VSTM4: variants seen among roughly 807,000 people sequenced by gnomAD.
The protein encoded by VSTM4 is V-set and transmembrane domain containing 4.
Under a neutral mutation model 36.4 loss-of-function variants are expected in VSTM4, and 20 were observed. The observed-to-expected ratio is 0.55, with a 90% CI of 0.39 to 0.80. The LOEUF (loss-of-function observed/expected upper bound fraction) is 0.80, where lower values mean the gene tolerates loss of function less well. Ranked by LOEUF, VSTM4 falls within the 30% of genes least tolerant of loss-of-function variation. The probability of loss-of-function intolerance (pLI) is 0.00; values close to 1 mark genes in which losing one functional copy is unlikely to be tolerated. For synonymous variants in VSTM4, 182 were observed against 173.9 expected, an observed-to-expected ratio of 1.05 and a Z score of -0.37; for missense variants, 392 against 404.5, an observed-to-expected ratio of 0.97 and a Z score of 0.26.
At chr10:49,030,864 T>G (rs1843335454) in intron 7 of VSTM4, among the ~76,000 whole-genome samples, 1 of 152,206 alleles carries the variant, frequency 6.6e-6, no homozygotes, top group African/African-American at 2.4e-5. Flanking sequence ...TGCCTGTCAA[T>G]GTCACCAACA....
At chr10:49,056,821 G>A (rs1039674882) in intron 5 of VSTM4, among the ~76,000 whole-genome samples, 16 of 152,180 alleles carry the variant, frequency 1.1e-4, no homozygotes, top group African/African-American at 3.4e-4. Context: ...CATTTGTGTT[G>A]CTATAAAGGA....
At chr10:49,031,383 C>T (rs372852555) in intron 7 of VSTM4, among the ~76,000 whole-genome samples, 2 of 152,116 alleles carry the variant, frequency 1.3e-5, no homozygotes, top group South Asian at 2.1e-4. Flanking sequence ...TGCATAAAAA[C>T]ATGTAATGTG....
In VSTM4 at chr10:49,077,431, C is replaced by A. The variant is rs1263983480; in HGVS notation, c.527-105G>T. ...TGGAATATTTGAAATCCCAGTGCTA[C>A]AGTCAACAAGGCAGTGTGGTATTGG... On this transcript the variant is annotated intron_variant, in intron 3 of 7. Coordinates refer to ENST00000332853, the MANE Select transcript of VSTM4 (RefSeq NM_001031746.5). 40 of 1,024,076 alleles carry A rather than the reference C, an allele frequency of 3.9e-5. No individual in the cohort carries two copies. The South Asian group carries it at 4.2e-4, about 11-fold the overall frequency. 63.4% of individuals were successfully genotyped at this position (1,024,076 alleles called of 1,614,324 possible). A position where few individuals can be genotyped will look rare whatever the true frequency, so the allele number is the denominator to read the frequency against.
intron 7 of VSTM4, among the ~76,000 whole-genome samples, chr10:49,032,602 GA>G (rs1199011115): frequency 6.6e-6 from 1 of 152,070 alleles, no homozygotes; most frequent in Non-Finnish European, 1.5e-5. Context: ...ATGAATGAAT[GA>G]AAAAGACAAA....
intron 7 of VSTM4, among the ~76,000 whole-genome samples, chr10:49,023,377 C>T (rs181039862): frequency 8.0e-4 from 122 of 152,334 alleles, no homozygotes; most frequent in African/African-American, 2.8e-3. Flanking sequence ...GGGGCAAATG[C>T]ATATTCCTCA....
chr10:49,014,279 G>A lies in VSTM4; in HGVS notation c.*5371C>T, dbSNP rs548847353. On this transcript the variant is annotated 3_prime_UTR_variant, in exon 8 of 8. Transcript: ENST00000332853. ...AATAAAGTTTAATGTGGAAGAACAA[G>A]GTGCATTTAACCAAAGCTGTAAACA... The A allele has an allele frequency of 4.1e-4, 62 of 152,328 alleles. No individual in the cohort carries two copies. The highest frequency in any genetic ancestry group is 1.5e-3 in the African/African-American group (61 of 41,566). 9.4% of individuals were successfully genotyped at this position (152,328 alleles called of 1,614,324 possible).
chr10:49,069,296 C>G (rs970534817), intron 4 of VSTM4, among the ~76,000 whole-genome samples: 4 of 152,230 alleles, frequency 2.6e-5, no homozygotes, highest in African/African-American at 9.6e-5. Flanking sequence ...GACCTCCAGG[C>G]TTTGCACAGG....
chr10:49,105,131 G>A (rs1362338424), intron 2 of VSTM4, among the ~76,000 whole-genome samples: 7 of 151,002 alleles, frequency 4.6e-5, no homozygotes, highest in African/African-American at 1.7e-4. Flanking sequence ...TGGAAAGACA[G>A]AGAGAGACAG....
chr10:49,091,090 G>A (rs1208749917), intron 2 of VSTM4, among the ~76,000 whole-genome samples: 2 of 152,240 alleles, frequency 1.3e-5, no homozygotes, highest in Non-Finnish European at 1.5e-5. Context: ...ACCTATCTCA[G>A]TACAGCTGTT....
chr10:49,050,738 A>G (rs1843684558), intron 5 of VSTM4, among the ~76,000 whole-genome samples: 1 of 152,206 alleles, frequency 6.6e-6, no homozygotes, highest in African/African-American at 2.4e-5. Flanking sequence ...TGAAATGCCT[A>G]TTTCTTATTT....
In VSTM4 at chr10:49,107,623, G is replaced by T; in HGVS notation, c.428C>A (p.Ser143Tyr). The change falls in exon 2 of 8, where the codon TCC becomes TAC. Residue 143 changes from serine to tyrosine, a missense_variant. Transcript: ENST00000332853. ...CATTTCCGTGGCTGAGGAGCCATTG[G>T]ACCAGGCCGTCCACTTGTTCCTGTG... ...SRHRNKWTAW[S>Y]NGSSATEMRV... The T allele has an allele frequency of 6.2e-7, 1 of 1,611,854 alleles. No individual in the cohort carries two copies. Among genetic ancestry groups the T allele is most frequent in the Non-Finnish European group, 8.5e-7 (1 of 1,178,184 alleles).
intron 7 of VSTM4, among the ~76,000 whole-genome samples, chr10:49,040,395 G>C (rs1843502020): frequency 6.6e-6 from 1 of 151,980 alleles, no homozygotes; most frequent in Non-Finnish European, 1.5e-5. Context: ...CGATTCTCCT[G>C]CCTCAGCCTC....
At chr10:49,084,924 T>C (rs1236217753) in intron 3 of VSTM4, among the ~76,000 whole-genome samples, 1 of 152,252 alleles carries the variant, frequency 6.6e-6, no homozygotes, top group Non-Finnish European at 1.5e-5. Flanking sequence ...TATTGTAGGA[T>C]TGGCATCATC....
At chr10:49,101,397 G>A (rs962047514) in intron 2 of VSTM4, among the ~76,000 whole-genome samples, 1 of 152,064 alleles carries the variant, frequency 6.6e-6, no homozygotes, top group Non-Finnish European at 1.5e-5. Flanking sequence ...ATATAAAAAA[G>A]ACAGCAACCC....
Position 49,046,940 on chromosome 10 carries a change from T to C in VSTM4, c.837+43A>G, listed in dbSNP as rs1271293230. On this transcript the variant is annotated intron_variant, in intron 7 of 7. Transcript: ENST00000332853. Reference sequence around the variant, plus strand: ...ACTGTTTTGGAATCTGAGTTGTGTCTGAGGCTTAAGGTATGATAGGAATAC... The same window carrying C: ...ACTGTTTTGGAATCTGAGTTGTGTCCGAGGCTTAAGGTATGATAGGAATAC... 6 of 1,586,954 alleles carry C rather than the reference T, an allele frequency of 3.8e-6. No homozygotes were observed. In the South Asian group the frequency reaches 6.6e-5, roughly 18 times the overall value.
At chr10:49,086,532 T>A (rs1373227530) in intron 2 of VSTM4, among the ~76,000 whole-genome samples, 1 of 152,222 alleles carries the variant, frequency 6.6e-6, no homozygotes, top group East Asian at 1.9e-4. Flanking sequence ...TAATGGTAGA[T>A]CACTGAATTC....
chr10:49,015,501 T>A lies in VSTM4; in HGVS notation c.*4149A>T, dbSNP rs1250660939. On this transcript the variant is annotated 3_prime_UTR_variant, in exon 8 of 8. Transcript: ENST00000332853. Reference sequence around the variant, plus strand: ...AAGCACTAGTCTACATGCCCATCTATCTGGACACCCCACAGCCACTCCAGC... The same window carrying A: ...AAGCACTAGTCTACATGCCCATCTAACTGGACACCCCACAGCCACTCCAGC... 1 of 152,190 alleles carries A rather than the reference T, an allele frequency of 6.6e-6. No homozygotes were observed. The highest frequency in any genetic ancestry group is 1.5e-5 in the Non-Finnish European group (1 of 68,062). 9.4% of individuals were successfully genotyped at this position (152,190 alleles called of 1,614,324 possible).
intron 7 of VSTM4, among the ~76,000 whole-genome samples, chr10:49,029,236 G>T (rs1442506226): frequency 6.6e-6 from 1 of 152,160 alleles, no homozygotes; most frequent in Non-Finnish European, 1.5e-5. Context: ...AGTACCATGG[G>T]TGCTGATTGG....
At position 49,023,827 on chromosome 10, in the gene VSTM4, G is replaced by A. The variant is rs74471192; in HGVS notation, c.838-4052C>T. 4.5e-3 allele frequency among the ~76,000 whole-genome samples: 685 copies of A among 152,290 alleles called. 6 individuals carry two copies. The highest frequency in any genetic ancestry group is 0.02 in the East Asian group (105 of 5,170). Reference sequence around the variant, plus strand: ...TTGCGGAGTGTTAGTACAAATTGTGGAACTCAGGATAGAAGCTTCAACAGT... The same window carrying A: ...TTGCGGAGTGTTAGTACAAATTGTGAAACTCAGGATAGAAGCTTCAACAGT... On this transcript the variant is annotated intron_variant, in intron 7 of 7. Transcript: ENST00000332853.
Sources: gnomAD v4.1 joint callset for allele counts (sites outside exome capture counted in the v4.1 genomes callset) on GRCh38, gnomAD v4.1.1 for gene constraint, MANE v1.5 for transcripts, NCBI Gene and HGNC (gene_info 2026-07-23, HGNC 2026-07-21) for gene names.